CLPB: variants seen among roughly 807,000 people sequenced by gnomAD.
CLPB encodes the protein ClpB family mitochondrial disaggregase.
A neutral mutation model predicts 78.4 loss-of-function variants in CLPB; 40 were observed. That is an observed-to-expected ratio of 0.51 (90% CI 0.40 to 0.66). The LOEUF (loss-of-function observed/expected upper bound fraction) is 0.66. CLPB is among the 30% of genes least tolerant of loss of function. CLPB has a pLI of 0.00. For missense variants in CLPB, 780 were observed against 886.9 expected, an observed-to-expected ratio of 0.88 and a Z score of 1.53; for synonymous variants, 333 against 348.0, an observed-to-expected ratio of 0.96 and a Z score of 0.48.
intron 3 of CLPB, among the ~76,000 whole-genome samples, chr11:72,393,095 A>G (rs976706535): frequency 6.6e-6 from 1 of 152,256 alleles, no homozygotes; most frequent in African/African-American, 2.4e-5. Context: ...TGGCACGTTA[A>G]GCTGATGGCC....
In CLPB at chr11:72,381,547, C is replaced by T. The variant is rs1186602011; in HGVS notation, c.543-1163G>A. 2.6e-5 allele frequency among the ~76,000 whole-genome samples: 4 copies of T among 152,184 alleles called. No individual in the cohort carries two copies. In the East Asian group the frequency reaches 7.7e-4, roughly 29 times the overall value. ...AGGCCCACCTTGCAGATTCAATCTC[C>T]AGGCCCATCCTAGCGCCAGGGCAGC... On this transcript the variant is annotated intron_variant, in intron 3 of 15. Coordinates refer to ENST00000538039, the MANE Select transcript of CLPB (RefSeq NM_001258392.3).
rs571600534 is a variant in CLPB, at chr11:72,407,910, G to C, written c.456-4858C>G. Among the ~76,000 whole-genome samples, 37 of 152,126 alleles carry C rather than the reference G, an allele frequency of 2.4e-4. No homozygotes were observed. The South Asian group carries it at 6.9e-3, about 28-fold the overall frequency. Reference sequence around the variant, plus strand: ...GATCCACCCGCCTCAGCCTCCCAAAGTGCTGGGATTACAGGCATGAGCCAC... The same window carrying C: ...GATCCACCCGCCTCAGCCTCCCAAACTGCTGGGATTACAGGCATGAGCCAC... On this transcript the variant is annotated intron_variant, in intron 2 of 15. Transcript: ENST00000538039.
intron 2 of CLPB, among the ~76,000 whole-genome samples, chr11:72,422,096 C>T (rs1460653606): frequency 8.0e-5 from 12 of 150,566 alleles, no homozygotes; most frequent in East Asian, 4.0e-4. Flanking sequence ...TGAAACCCCA[C>T]CTCTACTAAA....
chr11:72,330,308 C>G (rs1354613339), intron 5 of CLPB, among the ~76,000 whole-genome samples: 1 of 152,186 alleles, frequency 6.6e-6, no homozygotes, highest in African/African-American at 2.4e-5. Flanking sequence ...TCTGAGTCAG[C>G]TGAGTCCCCT....
At chr11:72,392,032 G>GA (rs768799248) in intron 3 of CLPB, among the ~76,000 whole-genome samples, 8 of 152,190 alleles carry the variant, frequency 5.3e-5, no homozygotes, top group Admixed American at 1.3e-4. Context: ...GGAAGAGCGA[G>GA]AAAACCTATG....
intron 5 of CLPB, among the ~76,000 whole-genome samples, chr11:72,330,059 TACAC>T (rs1463824888): frequency 6.6e-6 from 1 of 152,070 alleles, no homozygotes; most frequent in Non-Finnish European, 1.5e-5. Context: ...GCCAAACAAA[TACAC>T]AGGTTAATAT....
chr11:72,301,729 C>T, intron 11 of CLPB, 74 bp downstream of exon 11: 2 of 1,510,466 alleles, frequency 1.3e-6, no homozygotes, highest in Non-Finnish European at 9.0e-7. Flanking sequence ...CCTCTGGGCC[C>T]TTGCTTTCTG....
rs1478811218 is a variant in CLPB, at chr11:72,291,438, G to C, written c.*1929C>G. The C allele has an allele frequency of 6.6e-6, 1 of 152,172 alleles. No homozygotes were observed. Among genetic ancestry groups the C allele is most frequent in the Non-Finnish European group, 1.5e-5 (1 of 68,072 alleles). The allele number at this position is 152,172 out of a possible 1,614,324, so 9.4% of individuals were successfully genotyped here. A position where few individuals can be genotyped will look rare whatever the true frequency, so the allele number is the denominator to read the frequency against. On this transcript the variant is annotated 3_prime_UTR_variant, in exon 16 of 16. Transcript: ENST00000538039. The stretch of plus-strand genomic sequence containing the variant: ...TTCTCCTGCCTCAGCCTCCCAAGTA[G>C]CTGGGATTACAGGTGGGCACCAGCG...
At chr11:72,423,294 T>C (rs1488420214) in intron 2 of CLPB, among the ~76,000 whole-genome samples, 1 of 152,180 alleles carries the variant, frequency 6.6e-6, no homozygotes, top group Non-Finnish European at 1.5e-5. Flanking sequence ...AAACCCAGTG[T>C]TCCTCAGGGA....
At chr11:72,336,359 G>A (rs1337789438) in intron 5 of CLPB, among the ~76,000 whole-genome samples, 2 of 152,046 alleles carry the variant, frequency 1.3e-5, no homozygotes, top group African/African-American at 2.4e-5. Context: ...CTAGTGATAC[G>A]ATTCCACTAC....
intron 3 of CLPB, among the ~76,000 whole-genome samples, chr11:72,401,880 A>C (rs1855574476): frequency 6.6e-6 from 1 of 152,210 alleles, no homozygotes; most frequent in South Asian, 2.1e-4. Flanking sequence ...CCAAGGCAGA[A>C]ATCAGAACAG....
intron 5 of CLPB, among the ~76,000 whole-genome samples, chr11:72,350,290 G>T (rs920427574): frequency 3.3e-5 from 5 of 152,022 alleles, no homozygotes; most frequent in African/African-American, 4.8e-5. Context: ...GGATCCCTTT[G>T]GATGACTAAT....
At chr11:72,329,897 G>T in intron 5 of CLPB, 93 bp from the exon 6 acceptor site, 1 of 913,472 alleles carries the variant, frequency 1.1e-6, no homozygotes, top group Non-Finnish European at 1.7e-6. Flanking sequence ...TGATTTCTAT[G>T]TTGGGAATGT....
intron 2 of CLPB, among the ~76,000 whole-genome samples, chr11:72,424,935 G>T (rs1045419288): frequency 2.6e-5 from 4 of 151,996 alleles, no homozygotes; most frequent in African/African-American, 9.7e-5. Context: ...ACTTAGCCAG[G>T]TGTGGTGGCA....
intron 2 of CLPB, among the ~76,000 whole-genome samples, chr11:72,416,831 G>A (rs1244255999): frequency 6.6e-6 from 1 of 151,460 alleles, no homozygotes; most frequent in Non-Finnish European, 1.5e-5. Flanking sequence ...CACATCATTA[G>A]CCATTAGGGA....
At chr11:72,400,763 C>A (rs1179893355) in intron 3 of CLPB, among the ~76,000 whole-genome samples, 1 of 152,208 alleles carries the variant, frequency 6.6e-6, no homozygotes, top group African/African-American at 2.4e-5. Flanking sequence ...CCTTTATAAC[C>A]TGTAGCACAT....
chr11:72,308,741 T>G, intron 7 of CLPB, 137 bp from the exon 8 acceptor site: 1 of 762,428 alleles, frequency 1.3e-6, no homozygotes, highest in East Asian at 2.7e-5. Flanking sequence ...CTACCATTAG[T>G]GCTGCCTAAT....
At chr11:72,330,301 G>A (rs943893540) in intron 5 of CLPB, among the ~76,000 whole-genome samples, 6 of 152,142 alleles carry the variant, frequency 3.9e-5, no homozygotes, top group Admixed American at 1.3e-4. Flanking sequence ...CTGTCTGTCT[G>A]AGTCAGCTGA....
chr11:72,327,005 T>A (rs186481494), intron 6 of CLPB, among the ~76,000 whole-genome samples: 1 of 152,330 alleles, frequency 6.6e-6, no homozygotes. Context: ...AGATGCTCAG[T>A]GGACACATTC....
Sources: gnomAD v4.1 joint callset for allele counts (sites outside exome capture counted in the v4.1 genomes callset) on GRCh38, gnomAD v4.1.1 for gene constraint, MANE v1.5 for transcripts, NCBI Gene and HGNC (gene_info 2026-07-23, HGNC 2026-07-21) for gene names.